The following TMEM106B variants were observed in gnomAD, a reference collection of about 807,000 sequenced individuals.
TMEM106B encodes the protein transmembrane protein 106B.
TMEM106B carries 15 observed loss-of-function variants against 31.1 expected under a neutral mutation model. The observed-to-expected ratio is 0.48, with a 90% CI of 0.32 to 0.74. The LOEUF is 0.74. TMEM106B is among the 30% of genes least tolerant of loss of function. The pLI is 0.03. For missense variants in TMEM106B, 283 were observed against 327.3 expected, an observed-to-expected ratio of 0.86 and a Z score of 1.04; for synonymous variants, 126 against 112.5, an observed-to-expected ratio of 1.12 and a Z score of -0.76.
intron 5 of TMEM106B, 52 bp downstream of exon 5, chr7:12,229,871 G>A (rs1583220240): frequency 6.5e-7 from 1 of 1,537,498 alleles, no homozygotes. Flanking sequence ...TGTCAGCTTT[G>A]TATATCATAT....
At position 12,218,803 on chromosome 7, in the gene TMEM106B, A is replaced by T. The variant is rs111529840; in HGVS notation, c.281+282A>T. On this transcript the variant is annotated intron_variant, in intron 3 of 7. Transcript: ENST00000396668. Reference sequence around the variant, plus strand: ...CACACACATAAAATTTTCATTAAAAATTGGATAATAAGGTGTACTCCACAA... The same window carrying T: ...CACACACATAAAATTTTCATTAAAATTTGGATAATAAGGTGTACTCCACAA... 3.1e-3 allele frequency among the ~76,000 whole-genome samples: 476 copies of T among 152,222 alleles called. 3 individuals are homozygous for T. The highest frequency in any genetic ancestry group is 0.011 in the African/African-American group (451 of 41,554).
Position 12,215,010 on chromosome 7 carries a change from C to T in TMEM106B, c.200C>T (p.Thr67Ile). Residue 67 changes from threonine (T) to isoleucine (I), a missense_variant, in exon 2 of 8, where the codon ACA becomes ATA. Physicochemically the swap from Thr to Ile is moderately conservative, Grantham distance 89. This residue lies in a region of TMEM106B where 77 missense variants were observed against 89.4 expected (regional missense o/e 0.86). Transcript: ENST00000396668. ...DSVTCPTCQG[T>I]GRIPRGQENQ... ...GTCACCTGCCCTACTTGTCAGGGAA[C>T]AGGAAGAATTCCTAGGGGTATGTGT... 1.2e-6 allele frequency: 2 copies of T among 1,613,652 alleles called. No homozygotes were observed. Among genetic ancestry groups the T allele is most frequent in the Non-Finnish European group, 1.7e-6 (2 of 1,179,702 alleles).
intron 2 of TMEM106B, 47 bp downstream of exon 2, chr7:12,215,074 G>A (rs1172897137): frequency 6.5e-7 from 1 of 1,530,448 alleles, no homozygotes; most frequent in Non-Finnish European, 8.9e-7. Context: ...TTAGGTATTT[G>A]CTCAAGTATT....
At position 12,232,715 on chromosome 7, in the gene TMEM106B, G is replaced by C. The variant is rs1184914001; in HGVS notation, c.*740G>C. 1 of 152,210 alleles carries C rather than the reference G, an allele frequency of 6.6e-6. No individual in the cohort carries two copies. 9.4% of individuals were successfully genotyped at this position (152,210 alleles called of 1,614,324 possible). On this transcript the variant is annotated 3_prime_UTR_variant, in exon 8 of 8. Transcript: ENST00000396668. Reference sequence around the variant, plus strand: ...TAATGTACAATACTGTAAATAAACTGTGCATGGCTTTTATACAGCTTTAGT... The same window carrying C: ...TAATGTACAATACTGTAAATAAACTCTGCATGGCTTTTATACAGCTTTAGT...
chr7:12,212,850 T>G (rs905225913), intron 1 of TMEM106B, among the ~76,000 whole-genome samples: 1 of 152,240 alleles, frequency 6.6e-6, no homozygotes, highest in African/African-American at 2.4e-5. Flanking sequence ...TTTAATCAAA[T>G]AAGTGAGAAT....
intron 3 of TMEM106B, among the ~76,000 whole-genome samples, chr7:12,221,592 G>C (rs1169468521): frequency 6.6e-6 from 1 of 152,228 alleles, no homozygotes; most frequent in East Asian, 1.9e-4. Flanking sequence ...GCACAGGGCA[G>C]TGATTCCTGA....
At position 12,229,568 on chromosome 7, in the gene TMEM106B, TTC is replaced by T. The variant is rs541039230; in HGVS notation, c.442-109_442-108del. The T allele has an allele frequency of 5.7e-4, 523 of 921,716 alleles. 1 individual carries two copies. In the African/African-American group the frequency reaches 7.7e-3, roughly 14 times the overall value. 57.1% of individuals were successfully genotyped at this position (921,716 alleles called of 1,614,324 possible). ...TTTTCTTTGACATTTTGGTATTACT[TTC>T]TTTTTCTTAATAAATGAAGCATAGC... On this transcript the variant is annotated intron_variant, in intron 4 of 7. Coordinates refer to ENST00000396668, the MANE Select transcript of TMEM106B (RefSeq NM_001134232.2).
rs1035202704 is a variant in TMEM106B, at chr7:12,241,704, A to G, written c.*9729A>G. ...CTTTACTATTGTGAACAGTGCTGCAATAAACATATGTGTGTATGTGTCTTT... is the reference window on the plus strand; with the variant it reads ...CTTTACTATTGTGAACAGTGCTGCAGTAAACATATGTGTGTATGTGTCTTT... On this transcript the variant is annotated 3_prime_UTR_variant, in exon 8 of 8. Transcript: ENST00000396668. 6.6e-6 allele frequency: 1 copy of G among 152,196 alleles called. No individual in the cohort carries two copies. Among genetic ancestry groups the G allele is most frequent in the African/African-American group, 2.4e-5 (1 of 41,444 alleles). 9.4% of individuals were successfully genotyped at this position (152,196 alleles called of 1,614,324 possible). A position where few individuals can be genotyped will look rare whatever the true frequency, so the allele number is the denominator to read the frequency against.
chr7:12,221,312 G>C (rs1330266548), intron 3 of TMEM106B, among the ~76,000 whole-genome samples: 5 of 152,112 alleles, frequency 3.3e-5, no homozygotes, highest in African/African-American at 1.2e-4. Context: ...ATGGCAAAGA[G>C]AATCACAACA....
intron 4 of TMEM106B, among the ~76,000 whole-genome samples, chr7:12,226,629 G>T (rs1275085879): frequency 6.6e-6 from 1 of 151,916 alleles, no homozygotes; most frequent in African/African-American, 2.4e-5. Context: ...GAAAGAGGGA[G>T]GTTTGTCAGG....
In TMEM106B at chr7:12,224,299, C is replaced by T. The variant is rs1386206715; in HGVS notation, c.355C>T (p.Arg119Cys). The change falls in exon 4 of 8, where the codon CGC (arginine) becomes TGC (cysteine). Residue 119 changes from arginine to cysteine, a missense_variant. This residue lies in a region of TMEM106B where 201 missense variants were observed against 211.5 expected (regional missense o/e 0.95). Coordinates refer to ENST00000396668, the MANE Select transcript of TMEM106B (RefSeq NM_001134232.2). Reference protein sequence around the residue: ...SGLAVFFLFPRSIDVKYIGVK... With the variant: ...SGLAVFFLFPCSIDVKYIGVK... ...ATTGGCTGTGTTTTTCCTTTTCCCT[C>T]GCTCTATCGACGTGAAATACATTGG... The T allele has an allele frequency of 3.7e-6, 6 of 1,613,914 alleles. No individual in the cohort carries two copies. Among genetic ancestry groups the T allele is most frequent in the Admixed American group, 1.7e-5 (1 of 59,990 alleles).
At chr7:12,229,896 G>C in intron 5 of TMEM106B, 77 bp downstream of exon 5, 2 of 1,451,038 alleles carry the variant, frequency 1.4e-6, no homozygotes, top group African/African-American at 2.9e-5. Flanking sequence ...TGAAGGAGGT[G>C]GGGGATTTCC....
At chr7:12,211,513 G>A (rs2128523404) in intron 1 of TMEM106B, 88 bp downstream of exon 1, 1 of 152,828 alleles carries the variant, frequency 6.5e-6, no homozygotes, top group African/African-American at 2.4e-5. Context: ...GCCTGACAAG[G>A]AGGGGAGGCC....
chr7:12,238,032 G>C lies in TMEM106B; in HGVS notation c.*6057G>C, dbSNP rs925647541. ...TGAAGTTTATCACATCTATTGCCTT[G>C]TCCTTTCATGAAAGATGTCTCTAGC... On this transcript the variant is annotated 3_prime_UTR_variant, in exon 8 of 8. Coordinates refer to ENST00000396668, the MANE Select transcript of TMEM106B (RefSeq NM_001134232.2). 2.6e-5 allele frequency: 4 copies of C among 152,186 alleles called. No individual in the cohort carries two copies. The highest frequency in any genetic ancestry group is 9.7e-5 in the African/African-American group (4 of 41,400). The allele number at this position is 152,186 out of a possible 1,614,324, so 9.4% of individuals were successfully genotyped here.
At chr7:12,216,414 A>G (rs573272581) in intron 2 of TMEM106B, among the ~76,000 whole-genome samples, 3 of 152,246 alleles carry the variant, frequency 2.0e-5, no homozygotes, top group Middle Eastern at 3.4e-3. Context: ...TATATGTCAC[A>G]GGAGAGTTCA....
Position 12,232,965 on chromosome 7 carries a change from C to G in TMEM106B, c.*990C>G, listed in dbSNP as rs1297816303. On this transcript the variant is annotated 3_prime_UTR_variant, in exon 8 of 8. Coordinates refer to ENST00000396668, the MANE Select transcript of TMEM106B (RefSeq NM_001134232.2). The stretch of plus-strand genomic sequence containing the variant: ...ACATGTTTTGCAACTGTTAGGTACC[C>G]AGTTATCAATTTTATCAATGTTTTA... The G allele has an allele frequency of 1.3e-5, 2 of 151,460 alleles. No homozygotes were observed. 9.4% of individuals were successfully genotyped at this position (151,460 alleles called of 1,614,324 possible).
In TMEM106B at chr7:12,232,071, C is replaced by A; in HGVS notation, c.*96C>A. On this transcript the variant is annotated 3_prime_UTR_variant, in exon 8 of 8. Coordinates refer to ENST00000396668, the MANE Select transcript of TMEM106B (RefSeq NM_001134232.2). ...TCCTAATAGGAGACCTTAAATTGAA[C>A]AAACCTAAAGTTTACACTTCTAAGA... The A allele has an allele frequency of 8.1e-7, 1 of 1,239,248 alleles. No individual in the cohort carries two copies. Among genetic ancestry groups the A allele is most frequent in the Non-Finnish European group, 1.1e-6 (1 of 905,956 alleles). The allele number at this position is 1,239,248 out of a possible 1,614,324, so 76.8% of individuals were successfully genotyped here. A position where few individuals can be genotyped will look rare whatever the true frequency, so the allele number is the denominator to read the frequency against.
rs1782194460 is a variant in TMEM106B, at chr7:12,239,047, A to C, written c.*7072A>C. On this transcript the variant is annotated 3_prime_UTR_variant, in exon 8 of 8. Coordinates refer to ENST00000396668, the MANE Select transcript of TMEM106B (RefSeq NM_001134232.2). ...TTTAGATGGCACCTTTTTGTAAAAG[A>C]AGGTTGTTTTATCTACATTGAAAAT... 4 of 152,166 alleles carry C rather than the reference A, an allele frequency of 2.6e-5. No homozygotes were observed. The South Asian group carries it at 8.3e-4, about 32-fold the overall frequency. 9.4% of individuals were successfully genotyped at this position (152,166 alleles called of 1,614,324 possible). A position where few individuals can be genotyped will look rare whatever the true frequency, so the allele number is the denominator to read the frequency against.
chr7:12,218,361 G>A (rs1486331920), intron 2 of TMEM106B, 97 bp from the exon 3 acceptor site: 5 of 937,444 alleles, frequency 5.3e-6, no homozygotes, highest in Non-Finnish European at 8.2e-6. Flanking sequence ...ATGAGTGCCA[G>A]ATGATATTCT....
Sources: allele counts gnomAD v4.1 joint callset (sites outside exome capture counted in the v4.1 genomes callset), GRCh38; gene constraint gnomAD v4.1.1; regional missense constraint gnomAD v4.1.1; transcripts MANE v1.5; gene names NCBI Gene and HGNC (gene_info 2026-07-23, HGNC 2026-07-21).